Variants in FAAP20 observed in about 807,000 individuals in gnomAD.
FAAP20 encodes FA core complex associated protein 20, also known as Fanconi anemia core complex-associated protein 20.
FAAP20 carries 12 observed loss-of-function variants against 16.2 expected under a neutral mutation model. The observed-to-expected ratio is 0.74, with a 90% confidence interval of 0.48 to 1.20. The LOEUF is 1.20. Among genes scored for constraint, FAAP20 ranks in the 50% most tolerant of loss-of-function variants. The pLI, the probability that FAAP20 is intolerant of heterozygous loss-of-function variation, is 0.00. For missense variants in FAAP20, 288 were observed against 245.8 expected, an observed-to-expected ratio of 1.17 and a Z score of -1.15; for synonymous variants, 141 against 110.7, an observed-to-expected ratio of 1.27 and a Z score of -1.72.
At chr1:2,200,852 A>T, upstream of FAAP20, 1 of 1,064,748 alleles carries the variant, frequency 9.4e-7, no homozygotes, top group Non-Finnish European at 1.1e-6. Flanking sequence ...CAAGTGGGCC[A>T]GGAAACCTCT....
At position 2,193,997 on chromosome 1, in the gene FAAP20, C is replaced by T. The variant is rs1688563702; in HGVS notation, c.198+1G>A. On this transcript the variant is annotated splice_donor_variant, in intron 2 of 3. Transcript: ENST00000378546. LOFTEE classifies it high-confidence loss of function. ...CGCTAAGATGGGCCCAGTGGGCACA[C>T]CTGTCCTGGGAAGGCGGGCAGTGAA... 1 of 1,612,696 alleles carries T rather than the reference C, an allele frequency of 6.2e-7. No homozygotes were observed.
chr1:2,203,314 TC>T, upstream of FAAP20: 2 of 687,264 alleles, frequency 2.9e-6, no homozygotes, highest in Non-Finnish European at 3.6e-6. Context: ...GCCGCCTTCT[TC>T]CCCCCAGGCT....
At chr1:2,194,776 C>A, upstream of FAAP20, 1 of 1,169,386 alleles carries the variant, frequency 8.6e-7, no homozygotes, top group Non-Finnish European at 1.1e-6. Flanking sequence ...CGGAAGTGAG[C>A]GCAAGCCCCG....
upstream of FAAP20, chr1:2,199,255 C>G: frequency 8.9e-7 from 1 of 1,125,714 alleles, no homozygotes; most frequent in South Asian, 1.9e-5. This position sits in a 1 kb window ranked among gnomAD's most constrained non-coding sequence, Gnocchi z 4.5. Context: ...AAGCAGTATC[C>G]GGTTCACACC....
upstream of FAAP20, among the ~76,000 whole-genome samples, chr1:2,197,581 C>T (rs556461484): frequency 7.1e-4 from 108 of 152,342 alleles, no homozygotes; most frequent in Admixed American, 2.4e-3. Context: ...TTACCCTTGG[C>T]CACCAGGGAA....
chr1:2,209,428 C>A (rs72637877), downstream of FAAP20, among the ~76,000 whole-genome samples: 750 of 152,366 alleles, frequency 4.9e-3, 3 homozygotes, highest in Non-Finnish European at 8.0e-3. Context: ...TGCCAGCTCT[C>A]TAGAACAGGA....
chr1:2,199,722 AG>A (rs1688970659), upstream of FAAP20: 1 of 820,076 alleles, frequency 1.2e-6, no homozygotes, highest in East Asian at 1.2e-4. This position sits in a 1 kb window ranked among gnomAD's most constrained non-coding sequence, Gnocchi z 4.5. Flanking sequence ...TAATCAAACC[AG>A]GATGAGGCGA....
chr1:2,187,303 C>CT (rs1025009836), downstream of FAAP20: 3,506 of 331,936 alleles, frequency 0.011, 1 homozygote, highest in South Asian at 0.013. Context: ...TTTTCTTTTT[C>CT]TTTTTTTTTT....
At chr1:2,194,619 C>G in intron 1 of FAAP20, 69 bp downstream of exon 1, 1 of 875,456 alleles carries the variant, frequency 1.1e-6, no homozygotes, top group Non-Finnish European at 1.4e-6. Context: ...GCGGGAGGCC[C>G]GCGGGGGCGC....
rs893053466 is a variant in FAAP20, at chr1:2,193,813, C to T, written c.296G>A (p.Arg99His). Residue 99 changes from arginine (R) to histidine (H), a missense_variant, in exon 3 of 4, where the codon CGT (arginine) becomes CAT (histidine). Physicochemically the swap from Arg to His is conservative, Grantham distance 29. Coordinates refer to ENST00000378546, the MANE Select transcript of FAAP20 (RefSeq NM_182533.4). ...TGCCCCGTGAAGCAGCCGGTAGGAACGGCCCGGGCCCCACAGGTCCGGCGG... is the reference window on the plus strand; with the variant it reads ...TGCCCCGTGAAGCAGCCGGTAGGAATGGCCCGGGCCCCACAGGTCCGGCGG... ...PFPPDLWGPG[R>H]SYRLLHGAGG... The T allele has an allele frequency of 6.2e-6, 10 of 1,607,034 alleles. No individual in the cohort carries two copies. The highest frequency in any genetic ancestry group is 8.5e-6 in the Non-Finnish European group (10 of 1,178,322).
chr1:2,211,412 TATATATATATATATATATA>T (rs1689434972), downstream of FAAP20, among the ~76,000 whole-genome samples: 3 of 21,202 alleles, frequency 1.4e-4, no homozygotes, highest in East Asian at 1.3e-3. Flanking sequence ...TATATATATA[TATATATATATATATATATA>T]TATATTTTTT....
upstream of FAAP20, chr1:2,198,699 T>A (rs758573090): frequency 1.0e-4 from 128 of 1,254,894 alleles, no homozygotes; most frequent in Non-Finnish European, 1.3e-4. Flanking sequence ...CCTCCACCCC[T>A]TCCCATGTGG....
chr1:2,188,131 C>T (rs1201140254), downstream of FAAP20, among the ~76,000 whole-genome samples: 1 of 152,210 alleles, frequency 6.6e-6, no homozygotes, highest in East Asian at 1.9e-4. Context: ...CAGATCTGTT[C>T]CCTCAGCCAC....
downstream of FAAP20, among the ~76,000 whole-genome samples, chr1:2,188,847 C>T (rs1053762494): frequency 4.0e-5 from 6 of 150,778 alleles, no homozygotes; most frequent in Non-Finnish European, 8.9e-5. Flanking sequence ...CTACTGAAAA[C>T]ACAAAAAATT....
upstream of FAAP20, among the ~76,000 whole-genome samples, chr1:2,195,770 G>A (rs1405088662): frequency 6.6e-6 from 1 of 152,248 alleles, no homozygotes; most frequent in African/African-American, 2.4e-5. Flanking sequence ...CCATAGGTTG[G>A]TGTTCAGGGA....
chr1:2,188,072 G>A (rs1395213220), downstream of FAAP20, among the ~76,000 whole-genome samples: 1 of 152,222 alleles, frequency 6.6e-6, no homozygotes, highest in Non-Finnish European at 1.5e-5. Context: ...CTGAGGCCAT[G>A]ATTGAAAGGA....
chr1:2,192,553 T>C (rs1317926133), intron 3 of FAAP20: 1 of 1,026,128 alleles, frequency 9.7e-7, no homozygotes, highest in East Asian at 8.7e-5. Context: ...GGCAGCACCC[T>C]GACAGCAACA....
At chr1:2,206,259 T>TC (rs1689256843) in intron 3 of FAAP20, 1 of 152,062 alleles carries the variant, frequency 6.6e-6, no homozygotes, top group African/African-American at 2.4e-5. Flanking sequence ...CCATACGGGG[T>TC]CCCCCTGTGT....
Position 2,194,720 on chromosome 1 carries a change from C to G in FAAP20, c.30G>C (p.Gly10=). 1 of 1,190,956 alleles carries G rather than the reference C, an allele frequency of 8.4e-7. No individual in the cohort carries two copies. 73.8% of individuals were successfully genotyped at this position (1,190,956 alleles called of 1,614,324 possible). Residue 10 remains glycine (G), a synonymous_variant, in exon 1 of 4, where the codon GGG becomes GGC. Transcript: ENST00000378546. ...CCGGGCGCGGCCTCCGGCGGCTCAA[C>G]CCCAGCCGCGGCCTCCGCGCCGCCT... MEAARRPRL[G]LSRRRPRPAG...
Sources: allele counts gnomAD v4.1 joint callset (sites outside exome capture counted in the v4.1 genomes callset), GRCh38; gene constraint gnomAD v4.1.1; non-coding constraint Gnocchi (gnomAD v3.1); transcripts MANE v1.5; gene names NCBI Gene and HGNC (gene_info 2026-07-23, HGNC 2026-07-21).